Variants in HAPSTR1 observed in about 807,000 individuals in gnomAD.
HAPSTR1 encodes HUWE1-associated protein modifying stress responses 1.
chr16:9,092,383 GATCCC>G, the HAPSTR1 span: 1 of 998,836 alleles, frequency 1.0e-6, no homozygotes, highest in Non-Finnish European at 1.3e-6. Flanking sequence ...CGGCCTCGGG[GATCCC>G]GGCCGGTGGC....
the HAPSTR1 span, among the ~76,000 whole-genome samples, chr16:9,102,716 C>G: frequency 1.3e-5 from 2 of 152,014 alleles, no homozygotes; most frequent in South Asian, 2.1e-4. Flanking sequence ...TTAAAGATAC[C>G]TAATCTCTCT....
chr16:9,109,393 T>C, the HAPSTR1 span: 2 of 152,208 alleles, frequency 1.3e-5, no homozygotes, highest in Admixed American at 6.5e-5. Context: ...GTATGTTTAT[T>C]CAAAGCCCCA....
chr16:9,116,934 A>G, the HAPSTR1 span: 3 of 1,610,782 alleles, frequency 1.9e-6, no homozygotes, highest in Non-Finnish European at 2.5e-6. Flanking sequence ...TTTCACACCC[A>G]CCATGCTGCT....
At chr16:9,099,812 G>A in the HAPSTR1 span, among the ~76,000 whole-genome samples, 1 of 152,316 alleles carries the variant, frequency 6.6e-6, no homozygotes, top group South Asian at 2.1e-4. Flanking sequence ...ATGTTAAAAT[G>A]TAGTCATGCC....
chr16:9,100,609 C>T, the HAPSTR1 span, among the ~76,000 whole-genome samples: 1 of 152,168 alleles, frequency 6.6e-6, no homozygotes, highest in African/African-American at 2.4e-5. Context: ...TCTTGGCTCA[C>T]TGCCACCTCT....
At chr16:9,099,770 T>G in the HAPSTR1 span, among the ~76,000 whole-genome samples, 3 of 152,294 alleles carry the variant, frequency 2.0e-5, no homozygotes, top group African/African-American at 4.8e-5. Flanking sequence ...GTGTATGAGA[T>G]TATCCACTGT....
chr16:9,093,881 G>C, the HAPSTR1 span, among the ~76,000 whole-genome samples: 1 of 151,136 alleles, frequency 6.6e-6, no homozygotes, highest in Admixed American at 6.6e-5. Context: ...AAAAGGATTT[G>C]ACTTTGTTAA....
chr16:9,112,720 A>G, the HAPSTR1 span: 2 of 152,354 alleles, frequency 1.3e-5, no homozygotes, highest in African/African-American at 4.8e-5. Context: ...TTACTATGTA[A>G]CTTGGATTCT....
chr16:9,098,214 C>T, the HAPSTR1 span, among the ~76,000 whole-genome samples: 2 of 152,144 alleles, frequency 1.3e-5, no homozygotes, highest in Non-Finnish European at 2.9e-5. Context: ...TGCCTGTAAT[C>T]CCAGCTAACT....
At chr16:9,103,362 T>G in the HAPSTR1 span, 7 of 1,246,248 alleles carry the variant, frequency 5.6e-6, no homozygotes, top group Non-Finnish European at 7.6e-6. Flanking sequence ...GTTTTTTGTC[T>G]TACAGTAAAC....
chr16:9,110,593 A>G, the HAPSTR1 span: 30 of 152,254 alleles, frequency 2.0e-4, no homozygotes, highest in Admixed American at 2.0e-3. Context: ...TAGACAATTG[A>G]TAATCATTTT....
chr16:9,109,567 G>C, the HAPSTR1 span: 2 of 152,154 alleles, frequency 1.3e-5, no homozygotes, highest in African/African-American at 4.8e-5. Context: ...TTGTCTCTCT[G>C]TAAAGTTACA....
chr16:9,099,116 C>T, the HAPSTR1 span, among the ~76,000 whole-genome samples: 1 of 142,784 alleles, frequency 7.0e-6, no homozygotes, highest in Middle Eastern at 3.4e-3. Context: ...TTCAGTTTCC[C>T]ATGCTTATAT....
At chr16:9,100,895 C>T in the HAPSTR1 span, among the ~76,000 whole-genome samples, 2 of 152,170 alleles carry the variant, frequency 1.3e-5, no homozygotes, top group Non-Finnish European at 2.9e-5. Context: ...TTTTACTATG[C>T]TTTAGACTTT....
chr16:9,100,586 T>C, the HAPSTR1 span, among the ~76,000 whole-genome samples: 1 of 151,998 alleles, frequency 6.6e-6, no homozygotes, highest in South Asian at 2.1e-4. Flanking sequence ...CAGGCTGGAG[T>C]GAAGTGGCGC....
At chr16:9,091,941 G>T in the HAPSTR1 span, 4 of 1,014,136 alleles carry the variant, frequency 3.9e-6, no homozygotes, top group African/African-American at 3.4e-5. Context: ...GCCGTCGGTC[G>T]CCAGGCCCTG....
the HAPSTR1 span, chr16:9,091,808 C>T: frequency 2.1e-5 from 8 of 384,760 alleles, no homozygotes; most frequent in East Asian, 3.0e-4. Flanking sequence ...CCGCGGCGAC[C>T]TTCGGCCGGG....
At chr16:9,095,135 T>G in the HAPSTR1 span, among the ~76,000 whole-genome samples, 1 of 152,250 alleles carries the variant, frequency 6.6e-6, no homozygotes, top group Non-Finnish European at 1.5e-5. Context: ...TTTTGTACCT[T>G]GTTTCTGTAC....
chr16:9,109,928 G>A, the HAPSTR1 span: 22 of 152,164 alleles, frequency 1.4e-4, no homozygotes, highest in Non-Finnish European at 2.8e-4. Flanking sequence ...TTATTCTGCA[G>A]CCTTTACTAT....
Sources: allele counts gnomAD v4.1 joint callset (sites outside exome capture counted in the v4.1 genomes callset), GRCh38; gene constraint gnomAD v4.1.1; transcripts MANE v1.5; gene names NCBI Gene and HGNC (gene_info 2026-07-23, HGNC 2026-07-21).